SPECC1L: variants seen among roughly 807,000 people sequenced by gnomAD.
SPECC1L encodes the protein cytospin-A.
Under a neutral mutation model 116.8 loss-of-function variants are expected in SPECC1L, and 40 were observed. The observed-to-expected ratio is 0.34, with a 90% CI of 0.27 to 0.45. The LOEUF (loss-of-function observed/expected upper bound fraction) is 0.45. Among genes scored for constraint, SPECC1L ranks in the 20% least tolerant of loss-of-function variants. The pLI, the probability that SPECC1L is intolerant of heterozygous loss-of-function variation, is 1.00. For missense variants in SPECC1L, 1,110 were observed against 1,373.6 expected, an observed-to-expected ratio of 0.81 and a Z score of 3.03; for synonymous variants, 504 against 500.6, an observed-to-expected ratio of 1.01 and a Z score of -0.09.
chr22:24,415,905 TC>T lies in SPECC1L; in HGVS notation c.*1285del, dbSNP rs1471030855. The T allele has an allele frequency of 2.0e-5, 3 of 152,264 alleles. No homozygotes were observed. The highest frequency in any genetic ancestry group is 2.0e-4 in the Admixed American group (3 of 15,278). The allele number at this position is 152,264 out of a possible 1,614,324, so 9.4% of individuals were successfully genotyped here. A position where few individuals can be genotyped will look rare whatever the true frequency, so the allele number is the denominator to read the frequency against. ...ACAGCTATTTTTGGGAATAGGGATC[TC>T]CCGTGTGCCTAACGCAGTAGCTATT... On this transcript the variant is annotated 3_prime_UTR_variant, in exon 17 of 17. Coordinates refer to ENST00000314328, the MANE Select transcript of SPECC1L (RefSeq NM_015330.6).
chr22:24,397,710 T>A (rs948763555), intron 14 of SPECC1L, among the ~76,000 whole-genome samples: 1 of 152,368 alleles, frequency 6.6e-6, no homozygotes, highest in Admixed American at 6.5e-5. Context: ...AGTATTTGAA[T>A]GAGTCCAGAT....
chr22:24,340,492 T>G (rs1463491486), intron 10 of SPECC1L, among the ~76,000 whole-genome samples: 1 of 152,146 alleles, frequency 6.6e-6, no homozygotes, highest in Admixed American at 6.5e-5. Flanking sequence ...AAACTTCATC[T>G]AAAATTCTGA....
At chr22:24,347,393 T>G (rs991114879) in intron 11 of SPECC1L, among the ~76,000 whole-genome samples, 3 of 152,168 alleles carry the variant, frequency 2.0e-5, no homozygotes, top group Non-Finnish European at 4.4e-5. Context: ...TAATGGGTAA[T>G]AGAGAGTGTA....
chr22:24,414,357 G>A (rs1181760072), intron 16 of SPECC1L, among the ~76,000 whole-genome samples, 177 bp from the exon 17 acceptor site: 1 of 152,196 alleles, frequency 6.6e-6, no homozygotes, highest in East Asian at 1.9e-4. Flanking sequence ...GCCTGGGGAC[G>A]ATGCTGATGC....
chr22:24,409,458 C>T lies in SPECC1L; in HGVS notation c.3088-2130C>T, dbSNP rs527311227. 4.2e-4 allele frequency among the ~76,000 whole-genome samples: 64 copies of T among 152,164 alleles called. No individual in the cohort carries two copies. In the Middle Eastern group the frequency reaches 0.017, roughly 40 times the overall value. On this transcript the variant is annotated intron_variant, in intron 14 of 16. Transcript: ENST00000314328. ...GGACTGTTGCAAATAAGGGTAACGG[C>T]TACATACCAGCTGAATTGCAGAATA...
At chr22:24,360,714 T>C (rs998468490) in intron 11 of SPECC1L, among the ~76,000 whole-genome samples, 1 of 152,242 alleles carries the variant, frequency 6.6e-6, no homozygotes, top group Non-Finnish European at 1.5e-5. Context: ...GTTTTCACTT[T>C]CTTAGCTTGC....
intron 2 of SPECC1L, among the ~76,000 whole-genome samples, chr22:24,290,391 G>A (rs1220157277): frequency 2.0e-5 from 3 of 152,138 alleles, no homozygotes; most frequent in Non-Finnish European, 2.9e-5. Context: ...AACCGATATC[G>A]TTGATTCCTG....
Position 24,365,645 on chromosome 22 carries a change from T to A in SPECC1L, c.2984+13T>A. On this transcript the variant is annotated intron_variant, in intron 13 of 16. Coordinates refer to ENST00000314328, the MANE Select transcript of SPECC1L (RefSeq NM_015330.6). ...GAAGCCGAATAAGGTAGAGAACAGTTAATATTCATGCATTTCGTGTGTACC... is the reference window on the plus strand; with the variant it reads ...GAAGCCGAATAAGGTAGAGAACAGTAAATATTCATGCATTTCGTGTGTACC... 6.2e-7 allele frequency: 1 copy of A among 1,613,978 alleles called. No individual in the cohort carries two copies.
At chr22:24,344,343 T>TA (rs201890320) in intron 10 of SPECC1L, among the ~76,000 whole-genome samples, 139 of 145,368 alleles carry the variant, frequency 9.6e-4, no homozygotes, top group Admixed American at 2.1e-3. Flanking sequence ...GAAAAAAAAT[T>TA]AAAAAAAAAA....
chr22:24,330,455 G>A (rs750434682), intron 8 of SPECC1L, 24 bp downstream of exon 8: 8 of 1,612,860 alleles, frequency 5.0e-6, no homozygotes, highest in Non-Finnish European at 1.7e-6. Context: ...AACCTGTTGT[G>A]TACTTATGTT....
chr22:24,411,045 G>A (rs530830806), intron 14 of SPECC1L, among the ~76,000 whole-genome samples: 1 of 152,048 alleles, frequency 6.6e-6, no homozygotes, highest in Admixed American at 6.5e-5. Context: ...AAAAATAGCC[G>A]GGTGTGGTGG....
Position 24,407,511 on chromosome 22 carries a change from G to A in SPECC1L, c.3088-4077G>A, listed in dbSNP as rs2042614727. Among the ~76,000 whole-genome samples the A allele has an allele frequency of 2.0e-5, 3 of 152,344 alleles. No individual in the cohort carries two copies. The South Asian group carries it at 6.2e-4, about 32-fold the overall frequency. ...CAGGCACGTCCACGACCCTGCCAGA[G>A]CTGCCTGCGTTTCAGGGAGCAGAAG... On this transcript the variant is annotated intron_variant, in intron 14 of 16. Transcript: ENST00000314328.
intron 2 of SPECC1L, among the ~76,000 whole-genome samples, chr22:24,278,095 C>T (rs5996684): frequency 0.098 from 10,337 of 105,768 alleles, no homozygotes; most frequent in East Asian, 0.3. Context: ...TGGCTCACAC[C>T]TGTAATCCCA....
chr22:24,382,360 C>G (rs138361013), intron 14 of SPECC1L, among the ~76,000 whole-genome samples: 2 of 152,048 alleles, frequency 1.3e-5, no homozygotes, highest in East Asian at 1.9e-4. Flanking sequence ...TTGAGGGATT[C>G]TAAGGCAGCC....
chr22:24,306,350 A>G (rs2146419425), intron 3 of SPECC1L, among the ~76,000 whole-genome samples: 1 of 147,164 alleles, frequency 6.8e-6, no homozygotes, highest in East Asian at 2.2e-4. Flanking sequence ...AACATTCATC[A>G]CTTTGGCCTT....
chr22:24,332,081 TGACA>T (rs1046998095), intron 8 of SPECC1L, among the ~76,000 whole-genome samples: 1 of 152,188 alleles, frequency 6.6e-6, no homozygotes, highest in Non-Finnish European at 1.5e-5. Context: ...TACTTGAGAA[TGACA>T]GACAAACTGT....
At chr22:24,388,640 A>G (rs916912037) in intron 14 of SPECC1L, among the ~76,000 whole-genome samples, 11 of 152,176 alleles carry the variant, frequency 7.2e-5, no homozygotes, top group African/African-American at 2.7e-4. Context: ...TTCTAGTTCT[A>G]GATCCCTGAG....
chr22:24,348,574 T>C (rs73879050), intron 11 of SPECC1L, among the ~76,000 whole-genome samples: 1,538 of 152,324 alleles, frequency 0.01, 21 homozygotes, highest in African/African-American at 0.035. Context: ...CCTAAGCTCT[T>C]TTCTCCCCTC....
intron 14 of SPECC1L, among the ~76,000 whole-genome samples, chr22:24,382,098 G>A (rs903891710): frequency 1.3e-5 from 2 of 152,122 alleles, no homozygotes; most frequent in Admixed American, 1.3e-4. Context: ...AATCTCTGAC[G>A]AGACTACTGT....
Sources: allele counts gnomAD v4.1 joint callset (sites outside exome capture counted in the v4.1 genomes callset), GRCh38; gene constraint gnomAD v4.1.1; transcripts MANE v1.5; gene names NCBI Gene and HGNC (gene_info 2026-07-23, HGNC 2026-07-21).